KAZN: variants seen among roughly 807,000 people sequenced by gnomAD.
KAZN encodes kazrin.
A neutral mutation model predicts 87.4 loss-of-function variants in KAZN; 40 were observed. The observed-to-expected ratio is 0.46, with a 90% CI of 0.36 to 0.60. The LOEUF (loss-of-function observed/expected upper bound fraction) is 0.60. KAZN is among the 20% of genes least tolerant of loss of function. KAZN has a pLI of 0.00. For missense variants in KAZN, 898 were observed against 1,073.9 expected, an observed-to-expected ratio of 0.84 and a Z score of 2.29; for synonymous variants, 466 against 458.3, an observed-to-expected ratio of 1.02 and a Z score of -0.22.
At chr1:13,893,383 A>C in exon 1 of KAZN, 4 of 304,692 alleles carry the variant, frequency 1.3e-5, no homozygotes, top group African/African-American at 2.2e-5. Context: ...ACTCCTGGTT[A>C]GGGGGAAACT....
At chr1:14,931,053 G>A (rs1659756039) in intron 1 of KAZN, among the ~76,000 whole-genome samples, 2 of 152,160 alleles carry the variant, frequency 1.3e-5, no homozygotes, top group East Asian at 1.9e-4. Context: ...TCCTCTACTA[G>A]GTGAGGAAAC....
intron 2 of KAZN, among the ~76,000 whole-genome samples, chr1:14,343,145 T>C (rs2794608): frequency 0.056 from 8,406 of 151,258 alleles, 295 homozygotes; most frequent in South Asian, 0.091. Context: ...AAACTCCATC[T>C]CAAAACAAAC....
chr1:14,067,089 G>A (rs1348519819), intron 1 of KAZN, among the ~76,000 whole-genome samples: 1 of 151,802 alleles, frequency 6.6e-6, no homozygotes, highest in Non-Finnish European at 1.5e-5. Flanking sequence ...TCCCTATCTA[G>A]TATTCTTTAT....
intron 1 of KAZN, among the ~76,000 whole-genome samples, chr1:13,938,988 T>C (rs1445079276): frequency 6.6e-6 from 1 of 152,180 alleles, no homozygotes; most frequent in African/African-American, 2.4e-5. Context: ...ACAAAACCAT[T>C]CTTTCCTCCT....
chr1:13,950,080 G>C (rs1301819544), intron 1 of KAZN, among the ~76,000 whole-genome samples: 2 of 152,218 alleles, frequency 1.3e-5, no homozygotes, highest in African/African-American at 4.8e-5. Flanking sequence ...ACACCCCAGG[G>C]CTGAGCCTGC....
chr1:14,317,798 GA>G lies in KAZN; in HGVS notation c.249+137215del, dbSNP rs553903664. On this transcript the variant is annotated intron_variant, in intron 2 of 16. Coordinates refer to the KAZN transcript ENST00000636203. ...CATTGTTTCATTATAACATTGATGA[GA>G]AAAAAAAACAATTGGTTTGCTATAC... 8.9e-4 allele frequency among the ~76,000 whole-genome samples: 134 copies of G among 149,782 alleles called. 3 individuals are homozygous for G. The South Asian group carries it at 0.027, about 31-fold the overall frequency.
chr1:14,846,159 T>C (rs1186864487), intron 1 of KAZN, among the ~76,000 whole-genome samples: 1 of 152,208 alleles, frequency 6.6e-6, no homozygotes, highest in Non-Finnish European at 1.5e-5. Flanking sequence ...GAAAGTTCTA[T>C]AGCGGCATGT....
intron 2 of KAZN, among the ~76,000 whole-genome samples, chr1:14,474,132 C>T (rs1472266275): frequency 3.3e-5 from 5 of 151,984 alleles, no homozygotes; most frequent in Non-Finnish European, 7.4e-5. Context: ...AGAGAACCTC[C>T]TAGAAGGTAG....
intron 1 of KAZN, among the ~76,000 whole-genome samples, chr1:13,994,583 A>C (rs1437900794): frequency 2.6e-5 from 4 of 152,190 alleles, no homozygotes; most frequent in African/African-American, 9.6e-5. Context: ...GGGGAACAAA[A>C]CAGTCTTTGT....
chr1:14,812,542 C>G (rs955554004), intron 1 of KAZN, among the ~76,000 whole-genome samples: 1 of 152,170 alleles, frequency 6.6e-6, no homozygotes, highest in South Asian at 2.1e-4. Context: ...GAAATAGAGT[C>G]TTGCTCTATC....
chr1:14,306,411 C>T (rs1654933072), intron 2 of KAZN, among the ~76,000 whole-genome samples: 2 of 152,152 alleles, frequency 1.3e-5, no homozygotes, highest in Non-Finnish European at 2.9e-5. Flanking sequence ...AGACTCACAG[C>T]CTCTCCAACA....
intron 1 of KAZN, among the ~76,000 whole-genome samples, chr1:14,915,928 C>A (rs1238741547): frequency 6.6e-6 from 1 of 152,142 alleles, no homozygotes; most frequent in Non-Finnish European, 1.5e-5. Context: ...AGCCAGACTA[C>A]GTGGGCTTTA....
intron 4 of KAZN, among the ~76,000 whole-genome samples, chr1:15,049,945 A>G (rs528859895): frequency 4.6e-4 from 70 of 152,032 alleles, no homozygotes; most frequent in African/African-American, 1.6e-3. Flanking sequence ...AATCGCTTGA[A>G]CCCAGGAGGG....
intron 2 of KAZN, among the ~76,000 whole-genome samples, chr1:14,233,762 C>T (rs1648097127): frequency 6.6e-6 from 1 of 152,146 alleles, no homozygotes. Flanking sequence ...ATGCAGAGCC[C>T]TTCCCTACTG....
chr1:14,006,205 C>G (rs1297018490), intron 1 of KAZN, among the ~76,000 whole-genome samples: 1 of 152,060 alleles, frequency 6.6e-6, no homozygotes, highest in African/African-American at 2.4e-5. Context: ...CTTTGATGTA[C>G]TGGTTAGTCT....
chr1:15,112,706 C>A (rs1641693686), intron 14 of KAZN, 165 bp downstream of exon 14: 3 of 526,128 alleles, frequency 5.7e-6, no homozygotes, highest in Non-Finnish European at 1.1e-5. Flanking sequence ...CTTCAAGGAA[C>A]CTTCACGATG....
chr1:14,289,006 T>G (rs1027034267), intron 2 of KAZN, among the ~76,000 whole-genome samples: 3 of 152,260 alleles, frequency 2.0e-5, no homozygotes, highest in Non-Finnish European at 2.9e-5. Flanking sequence ...GTGAGCTTCT[T>G]AATCCTGAGT....
chr1:14,259,861 G>C (rs1044775965), intron 2 of KAZN, among the ~76,000 whole-genome samples: 1 of 152,144 alleles, frequency 6.6e-6, no homozygotes, highest in Non-Finnish European at 1.5e-5. Context: ...TTTTGACTGG[G>C]TCCAGGAAAT....
At chr1:13,995,562 TC>T (rs1639476484) in intron 1 of KAZN, among the ~76,000 whole-genome samples, 1 of 152,190 alleles carries the variant, frequency 6.6e-6, no homozygotes, top group Non-Finnish European at 1.5e-5. Flanking sequence ...TGTTTGTAGA[TC>T]AGAAAACCTA....
Sources: allele counts gnomAD v4.1 joint callset (sites outside exome capture counted in the v4.1 genomes callset), GRCh38; gene constraint gnomAD v4.1.1; transcripts MANE v1.5; gene names NCBI Gene and HGNC (gene_info 2026-07-23, HGNC 2026-07-21).